Variants in PIKFYVE observed in about 807,000 individuals in gnomAD.
PIKFYVE encodes phosphoinositide kinase, FYVE-type zinc finger containing.
In PIKFYVE, 122 loss-of-function variants were observed where a neutral mutation model predicts 257.9. The ratio of observed to expected loss-of-function variants is 0.47; its 90% confidence interval spans 0.41 to 0.55. The LOEUF is 0.55. Ranked by LOEUF, PIKFYVE falls within the 20% of genes least tolerant of loss-of-function variation. PIKFYVE has a pLI of 0.00. For synonymous variants in PIKFYVE, 892 were observed against 868.9 expected (o/e 1.03, Z -0.47); for missense variants, 2,160 against 2,536.6 (o/e 0.85, Z 3.19).
At chr2:208,324,076 T>G in intron 17 of PIKFYVE, 66 bp from the exon 18 acceptor site, 1 of 1,563,926 alleles carries the variant, frequency 6.4e-7, no homozygotes, top group African/African-American at 1.4e-5. Context: ...TTCACTCTGA[T>G]GATATTTTAA....
intron 1 of PIKFYVE, among the ~76,000 whole-genome samples, chr2:208,266,636 C>T (rs1192664269): frequency 6.6e-6 from 1 of 152,198 alleles, no homozygotes; most frequent in Non-Finnish European, 1.5e-5. Context: ...CGAGTGGGGA[C>T]GGAAGCCGGG....
chr2:208,354,292 G>GT, intron 40 of PIKFYVE, 133 bp downstream of exon 40: 2 of 1,233,042 alleles, frequency 1.6e-6, no homozygotes, highest in Non-Finnish European at 2.2e-6. Context: ...TCAAAAATAA[G>GT]TTTTTTATTC....
chr2:208,324,085 A>G, intron 17 of PIKFYVE, 57 bp from the exon 18 acceptor site: 1 of 1,579,866 alleles, frequency 6.3e-7, no homozygotes, highest in Non-Finnish European at 8.7e-7. Context: ...ATGATATTTT[A>G]ATATGTCCAG....
At chr2:208,347,570 A>C (rs1699344228) in intron 34 of PIKFYVE, among the ~76,000 whole-genome samples, 1 of 152,188 alleles carries the variant, frequency 6.6e-6, no homozygotes, top group Non-Finnish European at 1.5e-5. Flanking sequence ...GGCTTTCTAG[A>C]TAATTCCCTA....
intron 30 of PIKFYVE, 35 bp from the exon 31 acceptor site, chr2:208,339,976 A>C (rs1698545416): frequency 6.3e-7 from 1 of 1,599,168 alleles, no homozygotes; most frequent in Non-Finnish European, 8.6e-7. Context: ...TTCTCTGTGA[A>C]TATTAATATA....
chr2:208,349,431 CAT>C (rs1255842775), intron 35 of PIKFYVE, among the ~76,000 whole-genome samples: 3 of 151,084 alleles, frequency 2.0e-5, no homozygotes, highest in Non-Finnish European at 4.4e-5. Context: ...ATAGCTCTGA[CAT>C]AGATTCTAGT....
chr2:208,299,447 A>G (rs1481514903), intron 8 of PIKFYVE, among the ~76,000 whole-genome samples: 3 of 151,814 alleles, frequency 2.0e-5, no homozygotes, highest in Non-Finnish European at 4.4e-5. Flanking sequence ...GTGCCACCAC[A>G]CTGAGCTAAT....
rs2125810555 is a variant in PIKFYVE, at chr2:208,350,775, T to C, written c.5439T>C (p.Phe1813=). ...AAAAACTTCTGTTGTTTATAGAATT[T>C]TCAGATGCTAATGCCAAGTTTTACT... is the stretch of plus-strand genomic sequence containing the variant. ...QLINPHVELQ[F]SDANAKFYCR... is the part of the protein sequence containing the mutation. The change falls in exon 37 of 42, where the codon TTT becomes TTC. Residue 1813 remains phenylalanine, a synonymous_variant. Transcript: ENST00000264380. 6.2e-7 allele frequency: 1 copy of C among 1,614,112 alleles called. No individual in the cohort carries two copies. The highest frequency in any genetic ancestry group is 2.2e-5 in the East Asian group (1 of 44,890).
intron 5 of PIKFYVE, among the ~76,000 whole-genome samples, chr2:208,279,065 AT>A (rs1690472618): frequency 6.6e-6 from 1 of 152,084 alleles, no homozygotes; most frequent in Non-Finnish European, 1.5e-5. Flanking sequence ...CTTTACCAGC[AT>A]TCGTTTTTTG....
chr2:208,302,808 G>A (rs1385846070), intron 10 of PIKFYVE, among the ~76,000 whole-genome samples: 2 of 152,080 alleles, frequency 1.3e-5, no homozygotes, highest in African/African-American at 4.8e-5. Flanking sequence ...GGCTGGGTAC[G>A]GTGGCTCACG....
At chr2:208,299,334 G>T (rs1693394142) in intron 8 of PIKFYVE, among the ~76,000 whole-genome samples, 1 of 151,984 alleles carries the variant, frequency 6.6e-6, no homozygotes, top group African/African-American at 2.4e-5. Flanking sequence ...TCTGTCACCA[G>T]GCTGGAGTGC....
At chr2:208,304,069 A>G (rs1694042631) in intron 10 of PIKFYVE, 102 bp from the exon 11 acceptor site, 2 of 1,348,602 alleles carry the variant, frequency 1.5e-6, no homozygotes, top group African/African-American at 1.4e-5. Flanking sequence ...TTCAATTGTT[A>G]GGTTCATAGA....
intron 7 of PIKFYVE, among the ~76,000 whole-genome samples, chr2:208,291,064 T>C (rs1048571752): frequency 1.3e-5 from 2 of 152,210 alleles, no homozygotes; most frequent in African/African-American, 4.8e-5. Context: ...GGGGACATCC[T>C]TTCCTTGTTC....
chr2:208,330,711 A>C lies in PIKFYVE; in HGVS notation c.3963+17A>C, dbSNP rs145042764. The C allele has an allele frequency of 0.01, 16,831 of 1,605,944 alleles. 120 individuals are homozygous for C. The highest frequency in any genetic ancestry group is 0.012 in the Non-Finnish European group (14,483 of 1,175,768). On this transcript the variant is annotated intron_variant, in intron 23 of 41. Coordinates refer to ENST00000264380, the MANE Select transcript of PIKFYVE (RefSeq NM_015040.4). The stretch of plus-strand genomic sequence containing the variant: ...TGCAAACAGGTAAATAGACCCTATT[A>C]CTATATTTTGTTTGCCATTTATTTC...
chr2:208,336,427 G>A (rs1398244198), intron 27 of PIKFYVE, among the ~76,000 whole-genome samples: 1 of 152,100 alleles, frequency 6.6e-6, no homozygotes, highest in Non-Finnish European at 1.5e-5. Context: ...AGCCTTTGAT[G>A]CTGTTTCTAA....
At position 208,339,307 on chromosome 2, in the gene PIKFYVE, A is replaced by G. The variant is rs1439141648; in HGVS notation, c.4673-111A>G. On this transcript the variant is annotated intron_variant, in intron 29 of 41. Coordinates refer to ENST00000264380, the MANE Select transcript of PIKFYVE (RefSeq NM_015040.4). ...ATGACCTAGATGATTTTTAAAAAGTAAAAATTCTACCTTTTAGGAAGTAGG... is the reference window on the plus strand; with the variant it reads ...ATGACCTAGATGATTTTTAAAAAGTGAAAATTCTACCTTTTAGGAAGTAGG... 4.5e-6 allele frequency: 6 copies of G among 1,322,602 alleles called. No individual in the cohort carries two copies. In the African/African-American group the frequency reaches 5.9e-5, roughly 13 times the overall value. 81.9% of individuals were successfully genotyped at this position (1,322,602 alleles called of 1,614,324 possible). A position where few individuals can be genotyped will look rare whatever the true frequency, so the allele number is the denominator to read the frequency against.
intron 17 of PIKFYVE, among the ~76,000 whole-genome samples, chr2:208,320,990 T>C (rs1297605588): frequency 6.6e-6 from 1 of 152,264 alleles, no homozygotes; most frequent in Non-Finnish European, 1.5e-5. Context: ...GAGCTCCATT[T>C]CTAGTTGTAG....
At position 208,276,735 on chromosome 2, in the gene PIKFYVE, A is replaced by G; in HGVS notation, c.346A>G (p.Thr116Ala). Residue 116 changes from threonine to alanine, a missense_variant, in exon 4 of 42, where the codon ACC (threonine) becomes GCC (alanine). Coordinates refer to ENST00000264380, the MANE Select transcript of PIKFYVE (RefSeq NM_015040.4). ...AGACACAAGAAGGAAAGCAGAACCTACCTTTGGAGGTCATGACCCTCGTAC... is the reference window on the plus strand; with the variant it reads ...AGACACAAGAAGGAAAGCAGAACCTGCCTTTGGAGGTCATGACCCTCGTAC... ...ALDTRRKAEPTFGGHDPRTAV... is the reference protein window; with the variant it reads ...ALDTRRKAEPAFGGHDPRTAV... The G allele has an allele frequency of 1.2e-6, 2 of 1,613,662 alleles. No homozygotes were observed. Among genetic ancestry groups the G allele is most frequent in the Non-Finnish European group, 1.7e-6 (2 of 1,179,622 alleles).
chr2:208,337,363 T>G (rs1258001778), intron 28 of PIKFYVE, among the ~76,000 whole-genome samples: 1 of 152,148 alleles, frequency 6.6e-6, no homozygotes, highest in Non-Finnish European at 1.5e-5. Context: ...GTTAGTTTTC[T>G]CTTGCTCAGT....
Sources: allele counts gnomAD v4.1 joint callset (sites outside exome capture counted in the v4.1 genomes callset), GRCh38; gene constraint gnomAD v4.1.1; transcripts MANE v1.5; gene names NCBI Gene and HGNC (gene_info 2026-07-23, HGNC 2026-07-21).